RASA4: variants seen among roughly 807,000 people sequenced by gnomAD.
The protein encoded by RASA4 is ras GTPase-activating protein 4.
A neutral mutation model predicts 24.0 loss-of-function variants in RASA4; 5 were observed. The ratio of observed to expected loss-of-function variants is 0.21; its 90% CI spans 0.11 to 0.44. The LOEUF (loss-of-function observed/expected upper bound fraction) is 0.44, where lower values mean the gene tolerates loss of function less well. Ranked by LOEUF, RASA4 falls within the 20% of genes least tolerant of loss-of-function variation. The pLI is 0.99. For synonymous variants in RASA4, 9 were observed against 132.7 expected, an observed-to-expected ratio of 0.07 and a Z score of 6.41; for missense variants, 38 against 293.0, an observed-to-expected ratio of 0.13 and a Z score of 6.35.
chr7:102,585,848 T>TG (rs1318969722), intron 18 of RASA4, among the ~76,000 whole-genome samples: 18 of 130,176 alleles, frequency 1.4e-4, no homozygotes, highest in South Asian at 5.5e-4. Flanking sequence ...TTTTTTTTTT[T>TG]GTTTTTTTGT....
intron 16 of RASA4, among the ~76,000 whole-genome samples, chr7:102,592,071 G>C (rs1185793702): frequency 5.3e-5 from 8 of 150,784 alleles, no homozygotes; most frequent in African/African-American, 2.0e-4. Flanking sequence ...CTAACCTCAA[G>C]TGATCCACCC....
At chr7:102,596,374 C>G (rs1332755612) in intron 8 of RASA4, among the ~76,000 whole-genome samples, 3 of 134,278 alleles carry the variant, frequency 2.2e-5, no homozygotes, top group Non-Finnish European at 5.1e-5. Context: ...GTCTGGCTCC[C>G]TGCCACCTCC....
At chr7:102,603,875 A>G (rs1790487745) in intron 5 of RASA4, among the ~76,000 whole-genome samples, 1 of 149,968 alleles carries the variant, frequency 6.7e-6, no homozygotes, top group African/African-American at 2.4e-5. Context: ...CAAAAAAAAA[A>G]AAACAGCCCG....
chr7:102,603,115 C>T (rs1790436452), intron 5 of RASA4, among the ~76,000 whole-genome samples: 1 of 126,390 alleles, frequency 7.9e-6, no homozygotes, highest in Middle Eastern at 3.9e-3. Context: ...TGCCTGCCAC[C>T]ACGCCCAGCT....
intron 5 of RASA4, among the ~76,000 whole-genome samples, chr7:102,603,240 C>T (rs1309475364): frequency 1.5e-4 from 21 of 138,202 alleles, no homozygotes; most frequent in African/African-American, 5.1e-4. Context: ...GGATTACAGG[C>T]GTGAGCCACC....
In RASA4 at chr7:102,605,912, T is replaced by G. The variant is rs1790625297; in HGVS notation, c.374A>C (p.Glu125Ala). 6.3e-7 allele frequency: 1 copy of G among 1,592,204 alleles called. No homozygotes were observed. Among genetic ancestry groups the G allele is most frequent in the Non-Finnish European group, 8.6e-7 (1 of 1,168,920 alleles). ...EVQGEIHLRL[E>A]VWPGARACRL... ...GCAGGCCCGGGCCCCTGGCCACACT[T>G]CCAGCCGCAGGTGGATCTCGCCCTG... The change falls in exon 5 of 21, where the codon GAA becomes GCA. Residue 125 changes from glutamate to alanine, a missense_variant. Glu to Ala is a moderately radical substitution (Grantham distance 107). Coordinates refer to ENST00000262940, the MANE Select transcript of RASA4 (RefSeq NM_006989.6).
Position 102,603,838 on chromosome 7 carries a change from CAAAAAA to C in RASA4, c.429-1439_429-1434del, listed in dbSNP as rs148681177. On this transcript the variant is annotated intron_variant, in intron 5 of 20. Transcript: ENST00000262940. ...CCTGGGCGACAGAGCCAGACTGCCT[CAAAAAA>C]AAAAAAAAAAAAAAAACCACCAAAA... Among the ~76,000 whole-genome samples, 321 of 50,070 alleles carry C rather than the reference CAAAAAA, an allele frequency of 6.4e-3. 8 individuals carry two copies. Among genetic ancestry groups the C allele is most frequent in the Admixed American group, 8.9e-3 (37 of 4,178 alleles). 32.8% of individuals were successfully genotyped at this position (50,070 alleles called of 152,430 possible). A position where few individuals can be genotyped will look rare whatever the true frequency, so the allele number is the denominator to read the frequency against.
chr7:102,606,409 A>AT (rs1562801458), intron 4 of RASA4, among the ~76,000 whole-genome samples: 4 of 114,962 alleles, frequency 3.5e-5, no homozygotes, highest in East Asian at 5.8e-4. Flanking sequence ...AAAAAAAAAA[A>AT]AAAAAAAAAA....
chr7:102,595,265 G>T lies in RASA4; in HGVS notation c.1071+40C>A, dbSNP rs535421274. ...CTGTCGCTCTCTGAAGCTCAGTGTT[G>T]TCATTTGCAAGATGAGGACAATATA... On this transcript the variant is annotated intron_variant, in intron 11 of 20. Coordinates refer to ENST00000262940, the MANE Select transcript of RASA4 (RefSeq NM_006989.6). The T allele has an allele frequency of 2.6e-5, 33 of 1,258,630 alleles. 1 individual carries two copies. In the African/African-American group the frequency reaches 4.1e-4, roughly 15 times the overall value. The allele number at this position is 1,258,630 out of a possible 1,614,324, so 78.0% of individuals were successfully genotyped here. A position where few individuals can be genotyped will look rare whatever the true frequency, so the allele number is the denominator to read the frequency against.
At chr7:102,603,499 T>C (rs1403461666) in intron 5 of RASA4, among the ~76,000 whole-genome samples, 2 of 151,630 alleles carry the variant, frequency 1.3e-5, no homozygotes, top group Non-Finnish European at 2.9e-5. Flanking sequence ...AATCTGGGCC[T>C]CAAGAGATCC....
chr7:102,590,784 T>C (rs557129397), intron 16 of RASA4, among the ~76,000 whole-genome samples: 1 of 142,734 alleles, frequency 7.0e-6, no homozygotes, highest in Admixed American at 6.8e-5. Context: ...CTACTAAAAA[T>C]ACAAAATTAG....
Position 102,616,431 on chromosome 7 carries a change from GC to G in RASA4, c.65+193del, listed in dbSNP as rs1791000463. On this transcript the variant is annotated intron_variant, in intron 1 of 20. Coordinates refer to ENST00000262940, the MANE Select transcript of RASA4 (RefSeq NM_006989.6). ...CCCCAGCCCTCGGTGACACTTCCCC[GC>G]CCCCCGGTTGTCACCCCGTCTGGTG... is the stretch of plus-strand genomic sequence containing the variant. 1.1e-5 allele frequency: 7 copies of G among 664,230 alleles called. No homozygotes were observed. The East Asian group carries it at 2.3e-4, about 22-fold the overall frequency. The allele number at this position is 664,230 out of a possible 1,614,324, so 41.1% of individuals were successfully genotyped here.
chr7:102,616,431 G>GC, intron 1 of RASA4, 194 bp downstream of exon 1: 1 of 664,236 alleles, frequency 1.5e-6, no homozygotes, highest in Non-Finnish European at 2.2e-6. Context: ...ACACTTCCCC[G>GC]CCCCCCGGTT....
chr7:102,603,686 T>C (rs1417950087), intron 5 of RASA4, among the ~76,000 whole-genome samples: 31 of 152,136 alleles, frequency 2.0e-4, no homozygotes, highest in African/African-American at 6.3e-4. Flanking sequence ...ACCCCAACAT[T>C]GAGGCTGGGT....
intron 8 of RASA4, among the ~76,000 whole-genome samples, chr7:102,597,675 C>T (rs1392723472): frequency 1.4e-5 from 2 of 140,596 alleles, no homozygotes; most frequent in East Asian, 2.2e-4. Context: ...CCACCCGCCT[C>T]GGCCACCCAA....
At chr7:102,601,854 G>C (rs1439673113) in intron 6 of RASA4, among the ~76,000 whole-genome samples, 1 of 11,100 alleles carries the variant, frequency 9.0e-5, no homozygotes, top group African/African-American at 9.6e-5. Context: ...TGGGAAGCCA[G>C]AGCCTGCAGT....
intron 18 of RASA4, among the ~76,000 whole-genome samples, chr7:102,585,866 T>G (rs1789761251): frequency 6.7e-6 from 1 of 149,810 alleles, no homozygotes; most frequent in East Asian, 2.0e-4. Context: ...TGTTTTTTTT[T>G]TTTTGAGATG....
intron 16 of RASA4, among the ~76,000 whole-genome samples, chr7:102,590,775 T>A (rs1489946106): frequency 7.0e-6 from 1 of 143,080 alleles, no homozygotes; most frequent in East Asian, 2.0e-4. Context: ...ACTCTGTGTC[T>A]ACTAAAAATA....
rs1184093971 is a variant in RASA4 at position 102,603,865 on chromosome 7, C to CCAA, written c.429-1461_429-1460insTTG. Among the ~76,000 whole-genome samples, 72 of 80,152 alleles carry CCAA rather than the reference C, an allele frequency of 9.0e-4. 1 individual carries two copies. The highest frequency in any genetic ancestry group is 1.2e-3 in the Non-Finnish European group (41 of 35,556). The allele number at this position is 80,152 out of a possible 152,430, so 52.6% of individuals were successfully genotyped here. A position where few individuals can be genotyped will look rare whatever the true frequency, so the allele number is the denominator to read the frequency against. ...AAAAAAAAAAAAAAAAAAAAACCACCAAAAAAAAAAAAACAGCCCGGGTGC... is the reference window on the plus strand; with the variant it reads ...AAAAAAAAAAAAAAAAAAAAACCACCCAAAAAAAAAAAAAAACAGCCCGGGTGC... On this transcript the variant is annotated intron_variant, in intron 5 of 20. Transcript: ENST00000262940.
Sources: allele counts gnomAD v4.1 joint callset (sites outside exome capture counted in the v4.1 genomes callset), GRCh38; gene constraint gnomAD v4.1.1; transcripts MANE v1.5; gene names NCBI Gene and HGNC (gene_info 2026-07-23, HGNC 2026-07-21).